Variants in SEPTIN7 observed in about 807,000 individuals in gnomAD.
SEPTIN7 encodes septin-7.
A neutral mutation model predicts 63.3 loss-of-function variants in SEPTIN7; 10 were observed. The observed-to-expected ratio is 0.16, with a 90% CI of 0.10 to 0.27. SEPTIN7 has a LOEUF of 0.27. Among genes scored for constraint, SEPTIN7 ranks in the 10% least tolerant of loss-of-function variants. The pLI, the probability that SEPTIN7 is intolerant of heterozygous loss-of-function variation, is 1.00. For synonymous variants in SEPTIN7, 131 were observed against 165.3 expected (o/e 0.79, Z 1.59); for missense variants, 310 against 521.0 (o/e 0.59, Z 3.94).
chr7:35,876,707 A>T (rs1786494412), intron 6 of SEPTIN7, among the ~76,000 whole-genome samples: 1 of 152,098 alleles, frequency 6.6e-6, no homozygotes, highest in South Asian at 2.1e-4. Context: ...AGTGGCTCAC[A>T]CCTGTAATTC....
chr7:35,833,306 A>T (rs1320426899), intron 3 of SEPTIN7, among the ~76,000 whole-genome samples: 1 of 152,018 alleles, frequency 6.6e-6, no homozygotes, highest in Non-Finnish European at 1.5e-5. Context: ...GAAAGGTAGG[A>T]TAGAGGATCA....
intron 3 of SEPTIN7, among the ~76,000 whole-genome samples, chr7:35,854,502 C>T (rs564421644): frequency 2.8e-4 from 42 of 152,326 alleles, no homozygotes; most frequent in Admixed American, 2.5e-3. Context: ...GAACAAGGCA[C>T]TCCTCACAAT....
At chr7:35,876,282 AAT>A (rs1401547020) in intron 6 of SEPTIN7, among the ~76,000 whole-genome samples, 4 of 152,188 alleles carry the variant, frequency 2.6e-5, no homozygotes, top group Non-Finnish European at 2.9e-5. Flanking sequence ...TTTGGATTTT[AAT>A]AGTTTATATT....
intron 1 of SEPTIN7, among the ~76,000 whole-genome samples, chr7:35,811,772 C>G (rs1788721982): frequency 6.6e-6 from 1 of 151,910 alleles, no homozygotes; most frequent in African/African-American, 2.4e-5. Flanking sequence ...GCCTGTAATC[C>G]CAGCACTTCG....
chr7:35,812,141 A>C (rs1023726400), intron 1 of SEPTIN7: 25 of 190,932 alleles, frequency 1.3e-4, no homozygotes, highest in South Asian at 5.2e-4. Context: ...AAAAAAAAAA[A>C]ACAAAAAAAA....
chr7:35,888,927 A>C, intron 10 of SEPTIN7: 2 of 298,908 alleles, frequency 6.7e-6, no homozygotes, highest in South Asian at 5.8e-5. Context: ...AACTGGTTCC[A>C]AAAAGTGTTT....
chr7:35,804,954 T>G (rs1788238158), intron 1 of SEPTIN7, among the ~76,000 whole-genome samples: 2 of 151,816 alleles, frequency 1.3e-5, no homozygotes. Flanking sequence ...AGTTCTCCTG[T>G]CTCAGCCTCG....
intron 12 of SEPTIN7, chr7:35,900,231 T>G (rs1374201766): frequency 2.6e-5 from 4 of 152,216 alleles, no homozygotes; most frequent in Non-Finnish European, 5.9e-5. Flanking sequence ...TTCTTGTAAT[T>G]TCTTATTAAA....
intron 5 of SEPTIN7, among the ~76,000 whole-genome samples, chr7:35,873,432 A>C (rs531700374): frequency 6.6e-6 from 1 of 152,032 alleles, no homozygotes; most frequent in Non-Finnish European, 1.5e-5. Flanking sequence ...TTCGACAGTA[A>C]ATAGTTTATT....
At chr7:35,811,738 T>C (rs1788719262) in intron 1 of SEPTIN7, among the ~76,000 whole-genome samples, 1 of 151,694 alleles carries the variant, frequency 6.6e-6, no homozygotes, top group African/African-American at 2.4e-5. Flanking sequence ...AATACAAAAA[T>C]TAAGGCTGGG....
chr7:35,877,606 A>T (rs1362913039), intron 6 of SEPTIN7, among the ~76,000 whole-genome samples: 1 of 152,206 alleles, frequency 6.6e-6, no homozygotes, highest in Non-Finnish European at 1.5e-5. Flanking sequence ...GTCCTTTGCA[A>T]AATATTTCTA....
Position 35,904,459 on chromosome 7 carries a change from G to A in SEPTIN7, c.*166G>A. 1 of 504,392 alleles carries A rather than the reference G, an allele frequency of 2.0e-6. No homozygotes were observed. The highest frequency in any genetic ancestry group is 3.4e-6 in the Non-Finnish European group (1 of 291,234). The allele number at this position is 504,392 out of a possible 1,614,324, so 31.2% of individuals were successfully genotyped here. ...TTTTGTTCTTGATGGAGATTAAGAT[G>A]CCTTGAATTGTCTAGGGTGTTCTGT... On this transcript the variant is annotated 3_prime_UTR_variant, in exon 14 of 14. Coordinates refer to ENST00000350320, the MANE Select transcript of SEPTIN7 (RefSeq NM_001788.6).
chr7:35,915,075 G>A, the SEPTIN7 span, among the ~76,000 whole-genome samples: 2 of 151,310 alleles, frequency 1.3e-5, no homozygotes, highest in Non-Finnish European at 2.9e-5. Context: ...ATGCATGCAT[G>A]TACATATATG....
At chr7:35,866,752 T>A (rs1400909453) in intron 4 of SEPTIN7, among the ~76,000 whole-genome samples, 4 of 152,202 alleles carry the variant, frequency 2.6e-5, no homozygotes, top group African/African-American at 9.6e-5. Flanking sequence ...GATTAATTCT[T>A]AACCTCTTAT....
At chr7:35,890,539 A>G in intron 10 of SEPTIN7, 129 bp from the exon 11 acceptor site, 2 of 740,618 alleles carry the variant, frequency 2.7e-6, no homozygotes, top group Admixed American at 4.1e-5. Context: ...TTCCTTAACA[A>G]TAGTCTTTTG....
chr7:35,850,886 C>A (rs1488783712), intron 3 of SEPTIN7, among the ~76,000 whole-genome samples: 1 of 152,010 alleles, frequency 6.6e-6, no homozygotes, highest in African/African-American at 2.4e-5. Flanking sequence ...CTCAGAAAAT[C>A]TAGAGATTAA....
intron 2 of SEPTIN7, 128 bp from the exon 3 acceptor site, chr7:35,832,670 T>A (rs1488566273): frequency 1.4e-6 from 1 of 695,088 alleles, no homozygotes. Flanking sequence ...GATAATGCCA[T>A]GAAAGTAGTT....
At chr7:35,832,964 A>G in intron 3 of SEPTIN7, 64 bp downstream of exon 3, 1 of 902,674 alleles carries the variant, frequency 1.1e-6, no homozygotes, top group East Asian at 2.4e-5. Context: ...GTCAACTCTG[A>G]ATAGATTTAA....
chr7:35,873,482 C>A (rs952825199), intron 5 of SEPTIN7, among the ~76,000 whole-genome samples, 159 bp from the exon 6 acceptor site: 16 of 151,918 alleles, frequency 1.1e-4, no homozygotes, highest in Non-Finnish European at 2.2e-4. Flanking sequence ...AATATTTATT[C>A]AACATAATTT....
Sources: gnomAD v4.1 joint callset for allele counts (sites outside exome capture counted in the v4.1 genomes callset) on GRCh38, gnomAD v4.1.1 for gene constraint, MANE v1.5 for transcripts, NCBI Gene and HGNC (gene_info 2026-07-23, HGNC 2026-07-21) for gene names.